NBEAL1: variants seen among roughly 807,000 people sequenced by gnomAD.
NBEAL1 encodes neurobeachin like 1.
NBEAL1 carries 273 observed loss-of-function variants against 351.3 expected under a neutral mutation model. The ratio of observed to expected loss-of-function variants is 0.78; its 90% CI spans 0.70 to 0.86. The LOEUF (loss-of-function observed/expected upper bound fraction) is 0.86. NBEAL1 is among the 40% of genes least tolerant of loss of function. The pLI is 0.00. For missense variants in NBEAL1, 2,961 were observed against 3,201.3 expected (o/e 0.92, Z 1.81); for synonymous variants, 1,050 against 1,086.4 (o/e 0.97, Z 0.66).
At chr2:203,199,548 T>A (rs1012981898) in intron 49 of NBEAL1, 101 bp downstream of exon 49, 9 of 552,616 alleles carry the variant, frequency 1.6e-5, no homozygotes, top group South Asian at 8.8e-5. Flanking sequence ...AGAAATATTT[T>A]TTTTTTTTTT....
At chr2:203,057,886 A>G (rs566203049) in intron 6 of NBEAL1, among the ~76,000 whole-genome samples, 1 of 139,610 alleles carries the variant, frequency 7.2e-6, no homozygotes, top group Non-Finnish European at 1.5e-5. Context: ...GCCAGGCTGG[A>G]GTGCAGTGGC....
At position 203,130,272 on chromosome 2, in the gene NBEAL1, T is replaced by C. The variant is rs917192983; in HGVS notation, c.3406-46T>C. The C allele has an allele frequency of 7.5e-6, 11 of 1,471,970 alleles. No individual in the cohort carries two copies. In the African/African-American group the frequency reaches 1.6e-4, roughly 22 times the overall value. 91.2% of individuals were successfully genotyped at this position (1,471,970 alleles called of 1,614,324 possible). On this transcript the variant is annotated intron_variant, in intron 24 of 55. Transcript: ENST00000683969. ...TGGCTTATGACCTTATTTGTGCTTG[T>C]ATATATGAATGTGGTGGTTTGTTTT... is the stretch of plus-strand genomic sequence containing the variant.
chr2:203,199,494 A>T, intron 49 of NBEAL1, 47 bp downstream of exon 49: 1 of 902,678 alleles, frequency 1.1e-6, no homozygotes. Context: ...CAGATACCTT[A>T]TTGCCAGGAA....
At chr2:203,210,847 A>T in intron 53 of NBEAL1, 111 bp from the exon 54 acceptor site, 1 of 542,918 alleles carries the variant, frequency 1.8e-6, no homozygotes, top group Non-Finnish European at 3.1e-6. Context: ...CCATATTTTT[A>T]TCCTAAAATG....
intron 27 of NBEAL1, 144 bp from the exon 28 acceptor site, chr2:203,135,533 A>T: frequency 1.7e-6 from 1 of 584,000 alleles, no homozygotes; most frequent in Non-Finnish European, 2.9e-6. Flanking sequence ...TTTATAATCT[A>T]ATTAAGAATA....
chr2:203,083,075 A>T, intron 8 of NBEAL1, 144 bp from the exon 9 acceptor site: 2 of 667,430 alleles, frequency 3.0e-6, no homozygotes, highest in Admixed American at 2.9e-5. Flanking sequence ...AACCACTAGC[A>T]GTGGCTATCA....
At chr2:203,071,952 C>A (rs375254792) in intron 7 of NBEAL1, among the ~76,000 whole-genome samples, 4 of 152,118 alleles carry the variant, frequency 2.6e-5, no homozygotes, top group Admixed American at 6.5e-5. Context: ...TGTCACCCCC[C>A]ACCCCAGGTC....
rs180921941 is a variant in NBEAL1, at chr2:203,071,934, G to A, written c.598+3459G>A. Among the ~76,000 whole-genome samples the A allele has an allele frequency of 1.6e-4, 25 of 152,172 alleles. No homozygotes were observed. In the East Asian group the frequency reaches 4.3e-3, roughly 26 times the overall value. On this transcript the variant is annotated intron_variant, in intron 7 of 55. Transcript: ENST00000683969. Reference sequence around the variant, plus strand: ...ATACTCTGTACTTCATGCGCACTGGGTTGCCAGTGTCACCCCCCACCCCAG... The same window carrying A: ...ATACTCTGTACTTCATGCGCACTGGATTGCCAGTGTCACCCCCCACCCCAG...
intron 40 of NBEAL1, 134 bp downstream of exon 40, chr2:203,172,157 G>A (rs2064340048): frequency 2.3e-6 from 1 of 432,410 alleles, no homozygotes; most frequent in African/African-American, 2.1e-5. Flanking sequence ...TTTCTACCCA[G>A]TTATTTTCAA....
At chr2:203,039,100 T>C (rs1481617266) in intron 2 of NBEAL1, among the ~76,000 whole-genome samples, 1 of 148,542 alleles carries the variant, frequency 6.7e-6, no homozygotes, top group African/African-American at 2.4e-5. Context: ...CCTCTGTTTA[T>C]CCCCAGGTAG....
At chr2:203,138,021 C>A in intron 29 of NBEAL1, 141 bp from the exon 30 acceptor site, 1 of 726,890 alleles carries the variant, frequency 1.4e-6, no homozygotes, top group Non-Finnish European at 2.2e-6. Context: ...TTTCCATTTA[C>A]AGTATCTTAG....
chr2:203,192,383 T>A (rs2105783847), intron 46 of NBEAL1, among the ~76,000 whole-genome samples: 1 of 145,868 alleles, frequency 6.9e-6, no homozygotes, highest in Middle Eastern at 3.5e-3. Flanking sequence ...TATTAAAAGA[T>A]AATTTTTTTT....
At chr2:203,094,673 TAG>T (rs1225137047) in intron 10 of NBEAL1, among the ~76,000 whole-genome samples, 1 of 152,234 alleles carries the variant, frequency 6.6e-6, no homozygotes, top group Admixed American at 6.5e-5. Context: ...CATCAAACTA[TAG>T]AGTACTTTAC....
chr2:203,053,855 C>G (rs1457463950), intron 4 of NBEAL1, among the ~76,000 whole-genome samples: 1 of 152,066 alleles, frequency 6.6e-6, no homozygotes, highest in South Asian at 2.1e-4. Flanking sequence ...TAGTCTGCGA[C>G]TTGCCTTTTT....
At chr2:203,126,150 T>C (rs2062932168) in intron 21 of NBEAL1, 57 bp downstream of exon 21, 3 of 1,437,218 alleles carry the variant, frequency 2.1e-6, no homozygotes, top group Admixed American at 3.0e-5. Flanking sequence ...GCAGTTGATG[T>C]TGGGATTTTT....
chr2:203,136,684 C>T lies in NBEAL1; in HGVS notation c.4475C>T (p.Thr1492Ile). The T allele has an allele frequency of 1.2e-6, 2 of 1,613,588 alleles. No individual in the cohort carries two copies. Among genetic ancestry groups the T allele is most frequent in the Non-Finnish European group, 8.5e-7 (1 of 1,179,628 alleles). Residue 1492 changes from threonine (T) to isoleucine (I), a missense_variant, in exon 29 of 56, where the codon ACT (threonine) becomes ATT (isoleucine). By Grantham distance (89) the Thr-to-Ile change is moderately conservative. Transcript: ENST00000683969. ...GGACTAGAAAAGTCTGATGATGATA[C>T]TTGGATTGAACGAGGACAAGTGTTT... ...CKGLEKSDDDTWIERGQVFSA... is the reference protein window; with the variant it reads ...CKGLEKSDDDIWIERGQVFSA...
chr2:203,174,982 G>A (rs983204624), intron 41 of NBEAL1, among the ~76,000 whole-genome samples, 165 bp from the exon 42 acceptor site: 17 of 151,590 alleles, frequency 1.1e-4, no homozygotes, highest in African/African-American at 3.4e-4. Flanking sequence ...AATTTTTTTC[G>A]TTTTCTAGTA....
chr2:203,186,003 TC>T (rs1265163189), intron 44 of NBEAL1, among the ~76,000 whole-genome samples: 1 of 152,118 alleles, frequency 6.6e-6, no homozygotes, highest in African/African-American at 2.4e-5. Context: ...TATATTCACT[TC>T]CTCTCAAGAC....
At chr2:203,203,267 A>T (rs1274249440) in intron 51 of NBEAL1, among the ~76,000 whole-genome samples, 1 of 150,328 alleles carries the variant, frequency 6.7e-6, no homozygotes, top group Non-Finnish European at 1.5e-5. Flanking sequence ...TCAGCCTCCC[A>T]TGTAACTGGG....
Sources: gnomAD v4.1 joint callset for allele counts (sites outside exome capture counted in the v4.1 genomes callset) on GRCh38, gnomAD v4.1.1 for gene constraint, MANE v1.5 for transcripts, NCBI Gene and HGNC (gene_info 2026-07-23, HGNC 2026-07-21) for gene names.